ZNF618: variants seen among roughly 807,000 people sequenced by gnomAD.
ZNF618 encodes the protein zinc finger protein 618, also known as neural precursor cell expressed, developmentally down-regulated 10.
A neutral mutation model predicts 103.0 loss-of-function variants in ZNF618; 34 were observed. The ratio of observed to expected loss-of-function variants is 0.33; its 90% CI spans 0.25 to 0.44. The LOEUF (loss-of-function observed/expected upper bound fraction) is 0.44. ZNF618 is among the 20% of genes least tolerant of loss of function. The pLI is 1.00. For missense variants in ZNF618, 1,059 were observed against 1,295.4 expected (o/e 0.82, Z 2.80); for synonymous variants, 551 against 542.2 (o/e 1.02, Z -0.23).
intron 9 of ZNF618, chr9:114,016,196 T>A (rs1455955914): frequency 5.0e-6 from 8 of 1,610,422 alleles, no homozygotes; most frequent in Admixed American, 1.7e-5. Flanking sequence ...CGGGTGGGAC[T>A]TGAGAGGAAG....
Position 113,884,768 on chromosome 9 carries a change from A to AACACAC in ZNF618, c.33+8357_33+8362dup, listed in dbSNP as rs763158809. On this transcript the variant is annotated intron_variant, in intron 1 of 14. Transcript: ENST00000374126. The stretch of plus-strand genomic sequence containing the variant: ...GTTTTTCCTTCCTTATCGAGACACA[A>AACACAC]ACACACAGAGAGAGAGAGAGAGAGA... 9.3e-3 allele frequency among the ~76,000 whole-genome samples: 1,111 copies of AACACAC among 119,894 alleles called. 14 individuals are homozygous for AACACAC. Among genetic ancestry groups the AACACAC allele is most frequent in the East Asian group, 0.049 (211 of 4,298 alleles). 78.7% of individuals were successfully genotyped at this position (119,894 alleles called of 152,430 possible). A position where few individuals can be genotyped will look rare whatever the true frequency, so the allele number is the denominator to read the frequency against.
At chr9:114,039,997 C>A (rs1391703112) in intron 13 of ZNF618, among the ~76,000 whole-genome samples, 1 of 151,022 alleles carries the variant, frequency 6.6e-6, no homozygotes, top group Non-Finnish European at 1.5e-5. Flanking sequence ...TCATCTCAAG[C>A]TATAAATCAA....
At chr9:113,903,539 G>A (rs1830729796) in intron 1 of ZNF618, among the ~76,000 whole-genome samples, 1 of 151,650 alleles carries the variant, frequency 6.6e-6, no homozygotes, top group Non-Finnish European at 1.5e-5. Flanking sequence ...TATGTAACTA[G>A]TCTTCTGGTG....
chr9:113,994,930 A>G (rs904925666), intron 3 of ZNF618, among the ~76,000 whole-genome samples: 12 of 142,320 alleles, frequency 8.4e-5, no homozygotes, highest in Non-Finnish European at 1.7e-4. Flanking sequence ...ATATTGTGTA[A>G]AAAAAAAAAA....
intron 1 of ZNF618, among the ~76,000 whole-genome samples, chr9:113,878,298 T>TA (rs766373107): frequency 6.6e-6 from 1 of 151,168 alleles, no homozygotes; most frequent in Non-Finnish European, 1.5e-5. Context: ...GTAGAACACT[T>TA]ACTTTGCTGA....
chr9:114,022,388 C>T (rs575022194), intron 10 of ZNF618, among the ~76,000 whole-genome samples: 1 of 151,958 alleles, frequency 6.6e-6, no homozygotes, highest in East Asian at 1.9e-4. Flanking sequence ...GCTTTTGAGC[C>T]TGAAGTTTTC....
intron 2 of ZNF618, among the ~76,000 whole-genome samples, chr9:113,975,119 C>G (rs956379184): frequency 6.6e-6 from 1 of 152,064 alleles, no homozygotes; most frequent in African/African-American, 2.4e-5. Flanking sequence ...CTTGTAGAGC[C>G]TGGACATTGG....
At chr9:114,038,031 G>A (rs1844782306) in intron 13 of ZNF618, among the ~76,000 whole-genome samples, 1 of 152,192 alleles carries the variant, frequency 6.6e-6, no homozygotes, top group Admixed American at 6.5e-5. Flanking sequence ...TTTGCTGTCA[G>A]CTGTGCCTCA....
chr9:114,013,283 C>T (rs1245380782), intron 9 of ZNF618, among the ~76,000 whole-genome samples: 2 of 152,038 alleles, frequency 1.3e-5, no homozygotes, highest in Non-Finnish European at 2.9e-5. Flanking sequence ...CATGTAAAGA[C>T]TCAATTGTGA....
chr9:113,941,414 T>C (rs1016304476), intron 1 of ZNF618, among the ~76,000 whole-genome samples: 3 of 152,238 alleles, frequency 2.0e-5, no homozygotes, highest in African/African-American at 7.2e-5. Flanking sequence ...GTTGGGTTAC[T>C]TTCTCTTTCT....
At chr9:113,993,023 G>C (rs1840222659) in intron 3 of ZNF618, among the ~76,000 whole-genome samples, 1 of 152,226 alleles carries the variant, frequency 6.6e-6, no homozygotes, top group South Asian at 2.1e-4. Context: ...GAAGAGCAGA[G>C]ATGATAGATA....
rs1477289947 is a variant in ZNF618, at chr9:113,889,347, T to TC, written c.33+12934_33+12935insC. ...TCTCTCTCTCTCTCTCTCTCTCTCT[T>TC]TCTCTCCCTCCCTCTCCATGTGTGG... is the stretch of plus-strand genomic sequence containing the variant. On this transcript the variant is annotated intron_variant, in intron 1 of 14. Transcript: ENST00000374126. Among the ~76,000 whole-genome samples the TC allele has an allele frequency of 6.4e-3, 667 of 104,132 alleles. 5 individuals are homozygous for TC. The highest frequency in any genetic ancestry group is 0.024 in the Middle Eastern group (5 of 206). The allele number at this position is 104,132 out of a possible 152,430, so 68.3% of individuals were successfully genotyped here. A position where few individuals can be genotyped will look rare whatever the true frequency, so the allele number is the denominator to read the frequency against.
At chr9:114,047,087 T>C (rs1056633852) in intron 13 of ZNF618, among the ~76,000 whole-genome samples, 5 of 152,238 alleles carry the variant, frequency 3.3e-5, no homozygotes, top group African/African-American at 1.2e-4. Flanking sequence ...GACAAGAATG[T>C]GACTCAGACC....
intron 3 of ZNF618, 116 bp from the exon 4 acceptor site, chr9:113,998,143 G>A (rs1344264595): frequency 1.1e-6 from 1 of 907,234 alleles, no homozygotes; most frequent in Non-Finnish European, 1.7e-6. Context: ...TTAACGAAGA[G>A]GTAGGCAGTG....
intron 4 of ZNF618, among the ~76,000 whole-genome samples, chr9:113,998,616 TCC>T (rs2133557822): frequency 6.6e-6 from 1 of 152,312 alleles, no homozygotes; most frequent in Non-Finnish European, 1.5e-5. Context: ...TGGCAGCACT[TCC>T]TATGGGCCGC....
In ZNF618 at chr9:113,899,798, T is replaced by C. The variant is rs79259368; in HGVS notation, c.33+23385T>C. 6.9e-3 allele frequency among the ~76,000 whole-genome samples: 1,055 copies of C among 152,330 alleles called. 3 individuals are homozygous for C. The highest frequency in any genetic ancestry group is 0.011 in the Non-Finnish European group (772 of 68,022). ...CAAGGTGCATCTGTGTTGTAGCACA[T>C]GGCAGGTTCCCTCTTTGTTAAGGGT... is the stretch of plus-strand genomic sequence containing the variant. On this transcript the variant is annotated intron_variant, in intron 1 of 14. Transcript: ENST00000374126.
chr9:113,925,189 T>A (rs555474250), intron 1 of ZNF618, among the ~76,000 whole-genome samples: 1 of 152,090 alleles, frequency 6.6e-6, no homozygotes, highest in Non-Finnish European at 1.5e-5. Flanking sequence ...CTGTGTTAGG[T>A]ACATACACAT....
At chr9:113,976,649 C>G (rs1016189961) in intron 2 of ZNF618, among the ~76,000 whole-genome samples, 2 of 152,156 alleles carry the variant, frequency 1.3e-5, no homozygotes, top group Non-Finnish European at 2.9e-5. Flanking sequence ...TCTCCCGTCT[C>G]TCCTCCTCAC....
At chr9:113,885,843 A>G (rs1056528872) in intron 1 of ZNF618, among the ~76,000 whole-genome samples, 1 of 152,180 alleles carries the variant, frequency 6.6e-6, no homozygotes, top group Middle Eastern at 3.2e-3. Flanking sequence ...TGAGGTGAGG[A>G]TGGTATTGAG....
Sources: allele counts gnomAD v4.1 joint callset (sites outside exome capture counted in the v4.1 genomes callset), GRCh38; gene constraint gnomAD v4.1.1; transcripts MANE v1.5; gene names NCBI Gene and HGNC (gene_info 2026-07-23, HGNC 2026-07-21).